Variants in CCND3 observed in about 807,000 individuals in gnomAD.
CCND3 encodes cyclin D3.
A neutral mutation model predicts 28.7 loss-of-function variants in CCND3; 9 were observed. The observed-to-expected ratio is 0.31, with a 90% CI of 0.19 to 0.55. The LOEUF (loss-of-function observed/expected upper bound fraction) is 0.55, where lower values mean the gene tolerates loss of function less well. Among genes scored for constraint, CCND3 ranks in the 20% least tolerant of loss-of-function variants. The pLI is 0.93. For synonymous variants in CCND3, 164 were observed against 163.9 expected, an observed-to-expected ratio of 1.00 and a Z score of 0.00; for missense variants, 315 against 385.8, an observed-to-expected ratio of 0.82 and a Z score of 1.54.
At chr6:42,038,790 T>A (rs145178246) in intron 1 of CCND3, among the ~76,000 whole-genome samples, 1,601 of 152,212 alleles carry the variant, frequency 0.011, 29 homozygotes, top group African/African-American at 0.037. Flanking sequence ...CAACCACCAT[T>A]TAAAACTGCT....
At chr6:42,030,358 C>T (rs1440547533) in intron 1 of CCND3, among the ~76,000 whole-genome samples, 1 of 152,096 alleles carries the variant, frequency 6.6e-6, no homozygotes, top group Non-Finnish European at 1.5e-5. Flanking sequence ...TGACTTGAAC[C>T]CTCAGGAAAT....
At chr6:41,962,183 C>T (rs1436919382) in intron 1 of CCND3, among the ~76,000 whole-genome samples, 1 of 152,056 alleles carries the variant, frequency 6.6e-6, no homozygotes, top group Admixed American at 6.5e-5. Context: ...TCACTGCAAC[C>T]TCCGCCTCCC....
chr6:42,025,465 G>T (rs1763847888), intron 1 of CCND3, among the ~76,000 whole-genome samples: 1 of 152,238 alleles, frequency 6.6e-6, no homozygotes, highest in African/African-American at 2.4e-5. Context: ...TGGAGGGACA[G>T]CTAGAGTTGG....
intron 1 of CCND3, among the ~76,000 whole-genome samples, chr6:41,983,811 C>T (rs1046878554): frequency 1.3e-5 from 2 of 152,102 alleles, no homozygotes; most frequent in Non-Finnish European, 2.9e-5. Flanking sequence ...CACCACTGTA[C>T]TCCAGCCTGG....
At chr6:42,011,126 CTGAT>C (rs1258266924) in intron 1 of CCND3, 5 of 152,000 alleles carry the variant, frequency 3.3e-5, no homozygotes, top group African/African-American at 7.2e-5. Flanking sequence ...TTTTCACTGA[CTGAT>C]TGATTGACTG....
chr6:41,965,796 G>A (rs2127406191), intron 1 of CCND3, among the ~76,000 whole-genome samples: 2 of 152,272 alleles, frequency 1.3e-5, no homozygotes, highest in Middle Eastern at 3.4e-3. Flanking sequence ...TATGTTAATC[G>A]ATGCCGTAGG....
At chr6:42,022,802 G>A (rs62415868) in intron 1 of CCND3, among the ~76,000 whole-genome samples, 30,952 of 152,180 alleles carry the variant, frequency 0.2, 3,593 homozygotes, top group East Asian at 0.34. Flanking sequence ...TCACCCCTCC[G>A]CCAGTGCAGC....
chr6:42,023,699 C>T (rs1159788763), intron 1 of CCND3, among the ~76,000 whole-genome samples: 5 of 77,684 alleles, frequency 6.4e-5, no homozygotes, highest in Admixed American at 5.0e-4. Context: ...CTCATCCATC[C>T]GCCATCTATC....
intron 1 of CCND3, among the ~76,000 whole-genome samples, chr6:42,024,016 A>T (rs1364912754): frequency 1.3e-5 from 2 of 152,100 alleles, no homozygotes; most frequent in Non-Finnish European, 2.9e-5. Context: ...AAGCCTCCTA[A>T]CAACTCATGT....
At chr6:41,947,720 A>G (rs1036497937) in intron 1 of CCND3, among the ~76,000 whole-genome samples, 3 of 151,986 alleles carry the variant, frequency 2.0e-5, no homozygotes, top group African/African-American at 7.3e-5. Flanking sequence ...GGTTGATTCT[A>G]CGTCAAAAAT....
chr6:42,016,757 G>T (rs1351677986), intron 1 of CCND3, among the ~76,000 whole-genome samples: 1 of 151,892 alleles, frequency 6.6e-6, no homozygotes, highest in Non-Finnish European at 1.5e-5. Flanking sequence ...GCTAATTTTT[G>T]TATTTTTAGT....
At chr6:41,944,541 C>T (rs1776122252), upstream of CCND3, among the ~76,000 whole-genome samples, 1 of 152,086 alleles carries the variant, frequency 6.6e-6, no homozygotes, top group South Asian at 2.1e-4. Context: ...CCTGCCTCAG[C>T]TTCCTGAGTA....
rs564178196 is a variant in CCND3 at position 41,956,059 on chromosome 6, G to A, written c.-45-15474C>T. Among the ~76,000 whole-genome samples, 169 of 152,150 alleles carry A rather than the reference G, an allele frequency of 1.1e-3. 1 individual carries two copies. The South Asian group carries it at 0.018, about 16-fold the overall frequency. On this transcript the variant is annotated intron_variant, in intron 1 of 4. Coordinates refer to the CCND3 transcript ENST00000372988. ...CTATAATCCCAGCATTTTGGAAGGC[G>A]GAGGTGGGTGGATCACAAAGTCAGG... is the stretch of plus-strand genomic sequence containing the variant.
intron 1 of CCND3, among the ~76,000 whole-genome samples, chr6:41,994,648 C>T (rs1353194285): frequency 6.6e-6 from 1 of 152,106 alleles, no homozygotes; most frequent in Admixed American, 6.6e-5. Context: ...AGGTTCATCA[C>T]CTGTAACAAA....
In CCND3 at chr6:41,977,354, C is replaced by A. The variant is rs1762213160; in HGVS notation, c.-45-36769G>T. ...CCAAACCGTTGAGGAAGGCTCAGAA[C>A]AAATAACTGTACTTTATTTTTTTCT... On this transcript the variant is annotated intron_variant, in intron 1 of 4. Coordinates refer to the CCND3 transcript ENST00000372988. 3.9e-5 allele frequency among the ~76,000 whole-genome samples: 6 copies of A among 152,192 alleles called. No homozygotes were observed. The South Asian group carries it at 1.2e-3, about 32-fold the overall frequency.
intron 1 of CCND3, among the ~76,000 whole-genome samples, chr6:42,044,956 C>CTTTTTTTTTTTTTTTTTT: frequency 8.1e-6 from 1 of 123,952 alleles, no homozygotes; most frequent in Non-Finnish European, 1.6e-5. Flanking sequence ...GCCCGGCTAA[C>CTTTTTTTTTTTTTTTTTT]GTTTTTTTTT....
chr6:41,986,958 A>G (rs1038525199), intron 1 of CCND3, among the ~76,000 whole-genome samples: 1 of 152,072 alleles, frequency 6.6e-6, no homozygotes, highest in Non-Finnish European at 1.5e-5. Flanking sequence ...ATTCATCTTC[A>G]TAGTATAATA....
chr6:42,025,569 G>A (rs904716511), intron 1 of CCND3, among the ~76,000 whole-genome samples: 3 of 152,198 alleles, frequency 2.0e-5, no homozygotes, highest in African/African-American at 4.8e-5. Context: ...CCTGGTGTGA[G>A]AGGGAAGTGA....
chr6:41,964,436 A>G (rs1183926107), intron 1 of CCND3, among the ~76,000 whole-genome samples: 7 of 130,188 alleles, frequency 5.4e-5, no homozygotes, highest in African/African-American at 2.0e-4. Context: ...GTTTGTGTGT[A>G]TGTGTGAATG....
Sources: allele counts gnomAD v4.1 joint callset (sites outside exome capture counted in the v4.1 genomes callset), GRCh38; gene constraint gnomAD v4.1.1; transcripts MANE v1.5; gene names NCBI Gene and HGNC (gene_info 2026-07-23, HGNC 2026-07-21).